Variants in CNTN5 observed in about 807,000 individuals in gnomAD.
CNTN5 encodes the protein contactin-5.
A neutral mutation model predicts 129.1 loss-of-function variants in CNTN5; 77 were observed. The ratio of observed to expected loss-of-function variants is 0.60; its 90% CI spans 0.50 to 0.72. CNTN5 has a LOEUF of 0.72. Ranked by LOEUF, CNTN5 falls within the 30% of genes least tolerant of loss-of-function variation. CNTN5 has a pLI of 0.00. For synonymous variants in CNTN5, 509 were observed against 465.6 expected, an observed-to-expected ratio of 1.09 and a Z score of -1.20; for missense variants, 1,478 against 1,328.8, an observed-to-expected ratio of 1.11 and a Z score of -1.75.
chr11:99,772,233 G>T (rs924386835), intron 3 of CNTN5, among the ~76,000 whole-genome samples: 1 of 151,672 alleles, frequency 6.6e-6, no homozygotes, highest in African/African-American at 2.4e-5. Flanking sequence ...ATTTAAGATT[G>T]TTGACTGTAA....
intron 8 of CNTN5, among the ~76,000 whole-genome samples, chr11:99,964,723 C>T (rs961115739): frequency 6.6e-6 from 1 of 152,136 alleles, no homozygotes; most frequent in African/African-American, 2.4e-5. Flanking sequence ...GGAATAGTTT[C>T]AGAAGGCATG....
intron 1 of CNTN5, among the ~76,000 whole-genome samples, chr11:99,034,688 T>C (rs1232344975): frequency 3.3e-5 from 5 of 152,042 alleles, no homozygotes; most frequent in Non-Finnish European, 7.4e-5. Context: ...TGCTAGCAGT[T>C]TATCAATTTT....
intron 1 of CNTN5, among the ~76,000 whole-genome samples, chr11:99,162,421 T>A (rs1860662780): frequency 6.6e-6 from 1 of 152,134 alleles, no homozygotes; most frequent in African/African-American, 2.4e-5. Flanking sequence ...AACCTAAGCA[T>A]GAAATTAAGC....
At chr11:100,116,072 C>A (rs1471240659) in intron 13 of CNTN5, among the ~76,000 whole-genome samples, 2 of 151,980 alleles carry the variant, frequency 1.3e-5, no homozygotes, top group African/African-American at 4.8e-5. Context: ...TACTCTAAGA[C>A]AGTCCCTCAG....
intron 16 of CNTN5, among the ~76,000 whole-genome samples, chr11:100,253,841 C>T (rs1355237643): frequency 6.6e-6 from 1 of 152,070 alleles, no homozygotes; most frequent in Non-Finnish European, 1.5e-5. Flanking sequence ...TTTAGATAAA[C>T]AAAAACCAAC....
chr11:99,653,213 C>G (rs180711129), intron 3 of CNTN5, among the ~76,000 whole-genome samples: 1 of 151,848 alleles, frequency 6.6e-6, no homozygotes, highest in Non-Finnish European at 1.5e-5. Flanking sequence ...AACTCATAGA[C>G]AGATTGGATT....
chr11:99,098,380 G>A (rs1331639884), intron 1 of CNTN5, among the ~76,000 whole-genome samples: 2 of 152,076 alleles, frequency 1.3e-5, no homozygotes, highest in African/African-American at 2.4e-5. Context: ...AGCAGTACAG[G>A]TTGGAAGTCT....
intron 2 of CNTN5, among the ~76,000 whole-genome samples, chr11:99,442,208 T>C (rs1943860658): frequency 3.3e-5 from 5 of 152,202 alleles, no homozygotes; most frequent in Admixed American, 3.3e-4. Context: ...AGTCTTGCTC[T>C]CTTGCCCAGG....
At chr11:99,224,146 G>A (rs762623270) in intron 1 of CNTN5, among the ~76,000 whole-genome samples, 1 of 152,150 alleles carries the variant, frequency 6.6e-6, no homozygotes, top group Non-Finnish European at 1.5e-5. Flanking sequence ...TAATGTAATA[G>A]AAATGTGAAA....
At chr11:99,295,244 T>C (rs1229948740) in intron 1 of CNTN5, among the ~76,000 whole-genome samples, 1 of 152,238 alleles carries the variant, frequency 6.6e-6, no homozygotes, top group African/African-American at 2.4e-5. Flanking sequence ...TCTACTCACT[T>C]GACTAAGTAG....
At chr11:99,451,866 A>G in intron 2 of CNTN5, among the ~76,000 whole-genome samples, 1 of 152,090 alleles carries the variant, frequency 6.6e-6, no homozygotes. Context: ...TGTTCTTTTA[A>G]GTCACAAGAC....
intron 9 of CNTN5, among the ~76,000 whole-genome samples, chr11:100,041,359 A>G (rs193229126): frequency 2.6e-5 from 4 of 152,290 alleles, no homozygotes; most frequent in East Asian, 3.9e-4. Flanking sequence ...AAGTCATTCT[A>G]TGAATTCCAC....
At chr11:99,934,924 A>G (rs866408716) in intron 7 of CNTN5, among the ~76,000 whole-genome samples, 33,528 of 71,538 alleles carry the variant, frequency 0.47, 6,500 homozygotes, top group South Asian at 0.57. Context: ...ATATATATAT[A>G]TATATATATA....
At chr11:99,699,035 C>G (rs546069553) in intron 3 of CNTN5, among the ~76,000 whole-genome samples, 7 of 150,912 alleles carry the variant, frequency 4.6e-5, no homozygotes, top group Non-Finnish European at 8.9e-5. Flanking sequence ...AGGGACATAA[C>G]ATGGTTAATA....
chr11:99,669,036 G>A (rs1392532029), intron 3 of CNTN5, among the ~76,000 whole-genome samples: 1 of 152,060 alleles, frequency 6.6e-6, no homozygotes, highest in Non-Finnish European at 1.5e-5. Flanking sequence ...GAAAATTGAT[G>A]CACGCGTGGA....
intron 24 of CNTN5, among the ~76,000 whole-genome samples, chr11:100,354,301 A>T (rs1047133890): frequency 2.0e-5 from 3 of 151,688 alleles, no homozygotes; most frequent in African/African-American, 7.2e-5. Flanking sequence ...TGATGTTAGT[A>T]TCTAAAAGTC....
At chr11:100,185,470 T>C (rs1469312285) in intron 13 of CNTN5, among the ~76,000 whole-genome samples, 1 of 152,012 alleles carries the variant, frequency 6.6e-6, no homozygotes, top group Non-Finnish European at 1.5e-5. Flanking sequence ...GCAGAAGTGA[T>C]AAAGAAGAGC....
chr11:100,253,866 C>T (rs1950018235), intron 16 of CNTN5, among the ~76,000 whole-genome samples: 1 of 152,088 alleles, frequency 6.6e-6, no homozygotes, highest in Non-Finnish European at 1.5e-5. Context: ...TACTCAAAAC[C>T]ACCCTACCTC....
intron 7 of CNTN5, among the ~76,000 whole-genome samples, chr11:99,927,158 T>C (rs1164518864): frequency 6.6e-6 from 1 of 152,208 alleles, no homozygotes; most frequent in East Asian, 1.9e-4. Context: ...AGCCATCTCT[T>C]TGGATAAATG....
Sources: allele counts gnomAD v4.1 joint callset (sites outside exome capture counted in the v4.1 genomes callset), GRCh38; gene constraint gnomAD v4.1.1; transcripts MANE v1.5; gene names NCBI Gene and HGNC (gene_info 2026-07-23, HGNC 2026-07-21).